Variants in CUL1 observed in about 807,000 individuals in gnomAD.
CUL1 encodes cullin 1, also known as cullin-1.
In CUL1, 24 loss-of-function variants were observed where a neutral mutation model predicts 118.0. The ratio of observed to expected loss-of-function variants is 0.20; its 90% CI spans 0.15 to 0.29. The LOEUF is 0.29. Among genes scored for constraint, CUL1 ranks in the 10% least tolerant of loss-of-function variants. The probability of loss-of-function intolerance (pLI) is 1.00; values close to 1 mark genes in which losing one functional copy is unlikely to be tolerated. For synonymous variants in CUL1, 332 were observed against 340.4 expected, an observed-to-expected ratio of 0.98 and a Z score of 0.27; for missense variants, 361 against 933.8, an observed-to-expected ratio of 0.39 and a Z score of 7.99.
Position 148,800,581 on chromosome 7 carries a change from A to G in CUL1, c.2330A>G (p.Ter777=). ...AAGGACACCTACAGTTACTTGGCTTAACCCTTCTGGAAGGGTCTGACTGTG... is the reference window on the plus strand; with the variant it reads ...AAGGACACCTACAGTTACTTGGCTTGACCCTTCTGGAAGGGTCTGACTGTG... ...GEKDTYSYLA[*] The change falls in exon 22 of 22, where the codon TAA becomes TGA. Residue 777 remains the stop codon, a stop_retained_variant. Transcript: ENST00000325222. This position sits in a 1 kb window ranked among gnomAD's most constrained non-coding sequence, Gnocchi z 4.6. 2 of 1,611,224 alleles carry G rather than the reference A, an allele frequency of 1.2e-6. No individual in the cohort carries two copies. The highest frequency in any genetic ancestry group is 1.7e-6 in the Non-Finnish European group (2 of 1,177,430).
intron 1 of CUL1, among the ~76,000 whole-genome samples, chr7:148,719,347 GA>G (rs1032638933): frequency 6.6e-6 from 1 of 152,046 alleles, no homozygotes; most frequent in African/African-American, 2.4e-5. Flanking sequence ...CTGTCTCTAG[GA>G]AGCCATCTAT....
chr7:148,749,229 C>G (rs1404330532), intron 2 of CUL1, among the ~76,000 whole-genome samples: 2 of 151,762 alleles, frequency 1.3e-5, no homozygotes, highest in Non-Finnish European at 2.9e-5. Flanking sequence ...CCAGCCTGAC[C>G]AACATGGAGA....
At chr7:148,707,789 G>A (rs1797933615) in intron 1 of CUL1, among the ~76,000 whole-genome samples, 2 of 152,132 alleles carry the variant, frequency 1.3e-5, no homozygotes. Flanking sequence ...GGTTTTAAAA[G>A]CATCTCAATA....
intron 2 of CUL1, among the ~76,000 whole-genome samples, chr7:148,737,627 G>A (rs766721764): frequency 2.1e-4 from 31 of 149,300 alleles, no homozygotes; most frequent in Non-Finnish European, 3.0e-4. Flanking sequence ...TTCAGAGGGC[G>A]CCTCACTCTG....
chr7:148,771,811 A>G (rs1800223100), intron 9 of CUL1, among the ~76,000 whole-genome samples: 1 of 152,172 alleles, frequency 6.6e-6, no homozygotes, highest in Admixed American at 6.5e-5. Flanking sequence ...CAGGTTGGGA[A>G]TGTATCAAAA....
chr7:148,753,308 A>T (rs1225362910), intron 2 of CUL1, among the ~76,000 whole-genome samples: 1 of 152,190 alleles, frequency 6.6e-6, no homozygotes, highest in Middle Eastern at 3.2e-3. Flanking sequence ...TATTTAAAGG[A>T]TACAACAGAA....
At chr7:148,782,054 G>A (rs1009933592) in intron 9 of CUL1, among the ~76,000 whole-genome samples, 4 of 152,108 alleles carry the variant, frequency 2.6e-5, no homozygotes, top group Non-Finnish European at 5.9e-5. Flanking sequence ...AGCGTTTCTA[G>A]CATTTTCCAG....
At chr7:148,793,327 A>C (rs1372206379) in intron 17 of CUL1, among the ~76,000 whole-genome samples, 1 of 152,208 alleles carries the variant, frequency 6.6e-6, no homozygotes, top group East Asian at 1.9e-4. Flanking sequence ...AAAATTTGAC[A>C]TAACATAAAA....
chr7:148,767,214 C>T (rs1800035323), intron 8 of CUL1, among the ~76,000 whole-genome samples: 1 of 152,126 alleles, frequency 6.6e-6, no homozygotes, highest in African/African-American at 2.4e-5. Flanking sequence ...AATCCATATT[C>T]TCCTTAAATG....
intron 9 of CUL1, among the ~76,000 whole-genome samples, chr7:148,775,656 T>G (rs939858535): frequency 6.6e-6 from 1 of 152,202 alleles, no homozygotes; most frequent in African/African-American, 2.4e-5. Context: ...GCTGATAATA[T>G]ACATTGATTC....
At chr7:148,718,895 A>G (rs1326477254) in intron 1 of CUL1, among the ~76,000 whole-genome samples, 2 of 152,152 alleles carry the variant, frequency 1.3e-5, no homozygotes, top group Non-Finnish European at 2.9e-5. Flanking sequence ...TTTGACTTGG[A>G]ATTCGTTATT....
At chr7:148,712,397 C>G (rs188859709) in intron 1 of CUL1, among the ~76,000 whole-genome samples, 1 of 152,158 alleles carries the variant, frequency 6.6e-6, no homozygotes, top group Non-Finnish European at 1.5e-5. Flanking sequence ...AGGTCTGTCC[C>G]GATACAAAGG....
At chr7:148,762,453 G>A (rs187616466) in intron 7 of CUL1, among the ~76,000 whole-genome samples, 5 of 152,290 alleles carry the variant, frequency 3.3e-5, no homozygotes, top group Admixed American at 2.0e-4. Flanking sequence ...GTGTATAATG[G>A]TGGGCTAAAT....
At chr7:148,743,505 A>G (rs1357642565) in intron 2 of CUL1, among the ~76,000 whole-genome samples, 1 of 152,158 alleles carries the variant, frequency 6.6e-6, no homozygotes, top group Non-Finnish European at 1.5e-5. Context: ...AGATCATCCA[A>G]GTTGTGATTG....
At chr7:148,732,535 T>G (rs1230209930) in intron 2 of CUL1, among the ~76,000 whole-genome samples, 1 of 151,634 alleles carries the variant, frequency 6.6e-6, no homozygotes, top group Non-Finnish European at 1.5e-5. Context: ...CTAGAGACTT[T>G]CACCAAGTTA....
intron 1 of CUL1, among the ~76,000 whole-genome samples, chr7:148,706,154 C>T (rs1186681500): frequency 2.6e-5 from 4 of 152,166 alleles, no homozygotes; most frequent in Non-Finnish European, 5.9e-5. Flanking sequence ...CATGTGAATT[C>T]CCCGTTTAGA....
chr7:148,746,337 C>CT (rs1177654679), intron 2 of CUL1, among the ~76,000 whole-genome samples: 2 of 152,208 alleles, frequency 1.3e-5, no homozygotes, highest in Non-Finnish European at 2.9e-5. Flanking sequence ...CAGTGATGAC[C>CT]TAGTCATCAT....
At chr7:148,752,020 A>G (rs1324833064) in intron 2 of CUL1, among the ~76,000 whole-genome samples, 1 of 152,162 alleles carries the variant, frequency 6.6e-6, no homozygotes, top group Non-Finnish European at 1.5e-5. Context: ...AGGCTGAGGC[A>G]GGAGAATCGC....
chr7:148,772,124 C>T (rs529232260), intron 9 of CUL1, among the ~76,000 whole-genome samples: 2 of 152,246 alleles, frequency 1.3e-5, no homozygotes, highest in South Asian at 4.2e-4. Context: ...AATACTGTCA[C>T]ACATTCAGGT....
Sources: allele counts gnomAD v4.1 joint callset (sites outside exome capture counted in the v4.1 genomes callset), GRCh38; gene constraint gnomAD v4.1.1; non-coding constraint Gnocchi (gnomAD v3.1); transcripts MANE v1.5; gene names NCBI Gene and HGNC (gene_info 2026-07-23, HGNC 2026-07-21).